DPH6: variants seen among roughly 807,000 people sequenced by gnomAD.
The protein encoded by DPH6 is diphthamine biosynthesis 6.
A neutral mutation model predicts 38.2 loss-of-function variants in DPH6; 33 were observed. The ratio of observed to expected loss-of-function variants is 0.86; its 90% CI spans 0.65 to 1.15. DPH6 has a LOEUF of 1.15. Among genes scored for constraint, DPH6 ranks in the 50% most tolerant of loss-of-function variants. The pLI is 0.00. For missense variants in DPH6, 325 were observed against 320.0 expected (o/e 1.02, Z -0.12); for synonymous variants, 108 against 103.0 (o/e 1.05, Z -0.30).
intron 6 of DPH6, among the ~76,000 whole-genome samples, chr15:35,409,537 A>C (rs1433347749): frequency 6.6e-6 from 1 of 152,010 alleles, no homozygotes; most frequent in African/African-American, 2.4e-5. Flanking sequence ...CAACACACTT[A>C]AAATCTAAAC....
intron 3 of DPH6, among the ~76,000 whole-genome samples, chr15:35,304,380 A>G (rs60573732): frequency 0.026 from 3,918 of 152,224 alleles, 169 homozygotes; most frequent in African/African-American, 0.089. Context: ...ATTTTAGCAC[A>G]CCCTCTGATG....
chr15:35,171,277 C>G, the DPH6 span, among the ~76,000 whole-genome samples: 1 of 152,220 alleles, frequency 6.6e-6, no homozygotes, highest in African/African-American at 2.4e-5. Flanking sequence ...GGAATTACCA[C>G]CACCATCAGG....
At chr15:35,490,285 G>A (rs1053713367) in intron 3 of DPH6, 2 of 660,944 alleles carry the variant, frequency 3.0e-6, no homozygotes, top group African/African-American at 3.9e-5. Context: ...GAGGTTTGTA[G>A]TAGACCAAAT....
chr15:35,254,475 T>C (rs139975922), intron 3 of DPH6, among the ~76,000 whole-genome samples: 1 of 152,316 alleles, frequency 6.6e-6, no homozygotes, highest in Non-Finnish European at 1.5e-5. Context: ...ATATCTGAAA[T>C]TTCATTGACC....
At chr15:35,250,666 C>T (rs972954094) in intron 3 of DPH6, among the ~76,000 whole-genome samples, 1 of 151,928 alleles carries the variant, frequency 6.6e-6, no homozygotes, top group African/African-American at 2.4e-5. Context: ...ACTATGCATC[C>T]ATTCTGGGTG....
At chr15:35,345,231 A>G (rs1466313657) in intron 3 of DPH6, among the ~76,000 whole-genome samples, 1 of 151,914 alleles carries the variant, frequency 6.6e-6, no homozygotes, top group Non-Finnish European at 1.5e-5. Flanking sequence ...CCTCGTATCC[A>G]GAAACCTTAT....
At position 35,337,782 on chromosome 15, in the gene DPH6, T is replaced by C. The variant is rs2052385572; in HGVS notation, n.208-6705A>G. 2.0e-5 allele frequency among the ~76,000 whole-genome samples: 3 copies of C among 152,004 alleles called. No homozygotes were observed. In the South Asian group the frequency reaches 6.2e-4, roughly 32 times the overall value. ...TATCACACTACCTGACTTCAAACTA[T>C]ACTACAAGGCTACAGTAACCAAAAC... On this transcript the variant is annotated intron_variant and non_coding_transcript_variant, in intron 3 of 3. Transcript: ENST00000558973.
intron 3 of DPH6, among the ~76,000 whole-genome samples, chr15:35,503,879 C>G (rs1443657246): frequency 2.6e-5 from 4 of 152,052 alleles, no homozygotes; most frequent in African/African-American, 9.7e-5. Flanking sequence ...TAAGTGGCAG[C>G]TGGGGAACCA....
intron 6 of DPH6, chr15:35,401,373 G>T: frequency 1.3e-6 from 1 of 750,580 alleles, no homozygotes. Context: ...GCGGCAGTGG[G>T]AATGGCTATA....
At chr15:35,501,816 TC>T (rs1273241857) in intron 3 of DPH6, among the ~76,000 whole-genome samples, 1 of 152,118 alleles carries the variant, frequency 6.6e-6, no homozygotes, top group Non-Finnish European at 1.5e-5. Context: ...TTAAAATGGT[TC>T]CCACAGTTTT....
chr15:35,430,402 A>C (rs2141030949), intron 5 of DPH6, among the ~76,000 whole-genome samples: 1 of 152,070 alleles, frequency 6.6e-6, no homozygotes, highest in Non-Finnish European at 1.5e-5. Context: ...TGAAAAAAAA[A>C]AAAAATGCAA....
At chr15:35,403,912 T>A (rs1296792210) in intron 6 of DPH6, among the ~76,000 whole-genome samples, 1 of 152,008 alleles carries the variant, frequency 6.6e-6, no homozygotes, top group Non-Finnish European at 1.5e-5. Flanking sequence ...ATCCTTTTAG[T>A]TTCTATTTCC....
At chr15:35,309,999 A>T (rs2052126715) in intron 3 of DPH6, among the ~76,000 whole-genome samples, 1 of 152,106 alleles carries the variant, frequency 6.6e-6, no homozygotes, top group Non-Finnish European at 1.5e-5. Context: ...CCTAGAAGAA[A>T]ACTTTTTTTT....
intron 7 of DPH6, among the ~76,000 whole-genome samples, chr15:35,376,067 C>T (rs934672183): frequency 1.3e-5 from 2 of 152,094 alleles, no homozygotes; most frequent in East Asian, 1.9e-4. Context: ...TACTAGTTTT[C>T]TCCGTTATGT....
chr15:35,473,191 T>TGTTATG (rs1161479209), intron 3 of DPH6, among the ~76,000 whole-genome samples: 1 of 152,134 alleles, frequency 6.6e-6, no homozygotes, highest in Non-Finnish European at 1.5e-5. Flanking sequence ...AATTAACAAA[T>TGTTATG]GCTATGGATA....
chr15:35,160,260 GC>G, the DPH6 span, among the ~76,000 whole-genome samples: 1 of 151,732 alleles, frequency 6.6e-6, no homozygotes. Flanking sequence ...CTACCTTGCA[GC>G]AAAATAAAAC....
At chr15:35,488,579 G>A (rs1769713600) in intron 3 of DPH6, among the ~76,000 whole-genome samples, 1 of 151,722 alleles carries the variant, frequency 6.6e-6, no homozygotes, top group Non-Finnish European at 1.5e-5. Context: ...CAGCATGGGG[G>A]AAATCACCCC....
chr15:35,388,885 T>C (rs557659191), intron 6 of DPH6, among the ~76,000 whole-genome samples: 69 of 152,342 alleles, frequency 4.5e-4, no homozygotes, highest in Middle Eastern at 3.4e-3. Flanking sequence ...TTCTGCTAGC[T>C]TTTGAATGTG....
the DPH6 span, among the ~76,000 whole-genome samples, chr15:35,148,999 A>C: frequency 1.3e-5 from 2 of 152,036 alleles, no homozygotes; most frequent in Non-Finnish European, 2.9e-5. Flanking sequence ...TGTGGATCTT[A>C]ACTGCTTTTG....
Sources: gnomAD v4.1 joint callset for allele counts (sites outside exome capture counted in the v4.1 genomes callset) on GRCh38, gnomAD v4.1.1 for gene constraint, MANE v1.5 for transcripts, NCBI Gene and HGNC (gene_info 2026-07-23, HGNC 2026-07-21) for gene names.